Variants in FAAH2 observed in about 807,000 individuals in gnomAD.
FAAH2 encodes fatty-acid amide hydrolase 2.
In FAAH2, 60 loss-of-function variants were observed where a neutral mutation model predicts 36.9. The observed-to-expected ratio is 1.63, with a 90% confidence interval of 1.32 to 2.02. The LOEUF is 2.02. Among genes scored for constraint, FAAH2 ranks in the 30% most tolerant of loss-of-function variants. The pLI, the probability that FAAH2 is intolerant of heterozygous loss-of-function variation, is 0.00. For synonymous variants in FAAH2, 214 were observed against 143.8 expected (o/e 1.49, Z -3.49); for missense variants, 689 against 397.5 (o/e 1.73, Z -6.23).
At chrX:57,430,901 G>A (rs1310285056) in intron 7 of FAAH2, among the ~76,000 whole-genome samples, 1 of 111,871 alleles carries the variant, frequency 8.9e-6, no homozygotes, top group Non-Finnish European at 1.9e-5. Context: ...TCCCAAGGTC[G>A]GGGAGAAGAT....
intron 1 of FAAH2, among the ~76,000 whole-genome samples, chrX:57,291,738 G>A (rs760509628): frequency 2.7e-4 from 29 of 108,760 alleles, no homozygotes; most frequent in Admixed American, 7.9e-4. Context: ...AATGTTTATT[G>A]TCTCATGTCT....
At chrX:57,444,495 G>A (rs1220682473) in intron 8 of FAAH2, among the ~76,000 whole-genome samples, 1 of 111,554 alleles carries the variant, frequency 9.0e-6, no homozygotes, top group Non-Finnish European at 1.9e-5. Flanking sequence ...TGATTTTCCA[G>A]GTACCGTATG....
the FAAH2 span, among the ~76,000 whole-genome samples, chrX:57,273,307 T>C: frequency 9.0e-6 from 1 of 110,810 alleles, no homozygotes; most frequent in Non-Finnish European, 1.9e-5. Flanking sequence ...CACACAATAA[T>C]AATGGGAGAA....
chrX:57,443,687 G>T (rs933472456), intron 8 of FAAH2, among the ~76,000 whole-genome samples: 2 of 111,902 alleles, frequency 1.8e-5, no homozygotes, highest in East Asian at 2.8e-4. Flanking sequence ...GAGAAGAGGT[G>T]CTCTGATTTT....
At chrX:57,192,281 G>A in the FAAH2 span, among the ~76,000 whole-genome samples, 1 of 111,628 alleles carries the variant, frequency 9.0e-6, no homozygotes. Context: ...ATATAAATAT[G>A]CAACTGATTT....
At chrX:57,402,459 G>A (rs959138001) in intron 7 of FAAH2, among the ~76,000 whole-genome samples, 1 of 111,314 alleles carries the variant, frequency 9.0e-6, no homozygotes, top group Non-Finnish European at 1.9e-5. Context: ...TGTTCCTCCT[G>A]ATCTCTATTA....
the FAAH2 span, among the ~76,000 whole-genome samples, chrX:57,258,966 G>A: frequency 7.3e-5 from 8 of 109,254 alleles, no homozygotes; most frequent in Admixed American, 4.9e-4. Context: ...TGGTCTGCCC[G>A]CCTCAGCCTC....
chrX:57,249,072 C>G, the FAAH2 span, among the ~76,000 whole-genome samples: 4 of 110,873 alleles, frequency 3.6e-5, 1 homozygote, highest in Admixed American at 3.9e-4. Flanking sequence ...TTATATATGT[C>G]ATTTTACAAA....
At chrX:57,443,852 G>A (rs1466162561) in intron 8 of FAAH2, among the ~76,000 whole-genome samples, 1 of 112,249 alleles carries the variant, frequency 8.9e-6, no homozygotes, top group African/African-American at 3.2e-5. Flanking sequence ...CTCAGTTGCA[G>A]GTCTGTTGGA....
intron 10 of FAAH2, among the ~76,000 whole-genome samples, chrX:57,481,473 A>C (rs1314254805): frequency 1.8e-5 from 2 of 111,479 alleles, no homozygotes; most frequent in Non-Finnish European, 3.8e-5. Flanking sequence ...TCTGTTTATT[A>C]GTTTTTCTTC....
At chrX:57,413,280 G>T (rs1164186196) in intron 7 of FAAH2, among the ~76,000 whole-genome samples, 1 of 112,096 alleles carries the variant, frequency 8.9e-6, no homozygotes, top group Admixed American at 9.4e-5. Context: ...TGGTGTTTTA[G>T]TCATAAAGTC....
At chrX:57,372,014 G>T (rs1178398830) in intron 5 of FAAH2, among the ~76,000 whole-genome samples, 1 of 111,216 alleles carries the variant, frequency 9.0e-6, no homozygotes, top group African/African-American at 3.3e-5. Flanking sequence ...ATTCCATTGT[G>T]TATATGTATC....
intron 7 of FAAH2, among the ~76,000 whole-genome samples, chrX:57,381,336 T>C (rs769476220): frequency 2.8e-4 from 31 of 111,628 alleles, no homozygotes; most frequent in Admixed American, 8.6e-4. Context: ...AATGTGTAGA[T>C]GTAAATTTTA....
the FAAH2 span, among the ~76,000 whole-genome samples, chrX:57,231,523 A>G: frequency 9.0e-6 from 1 of 110,584 alleles, no homozygotes; most frequent in Admixed American, 9.6e-5. Context: ...TAGCCTTTTG[A>G]TTTGTTTTCC....
At chrX:57,303,107 C>CAT (rs2052425205) in intron 2 of FAAH2, among the ~76,000 whole-genome samples, 2 of 111,549 alleles carry the variant, frequency 1.8e-5, no homozygotes, top group Non-Finnish European at 3.8e-5. Flanking sequence ...ATACTTAAGG[C>CAT]ACTACCTTTT....
the FAAH2 span, among the ~76,000 whole-genome samples, chrX:57,261,269 G>GA: frequency 9.0e-5 from 10 of 111,131 alleles, no homozygotes; most frequent in Admixed American, 8.7e-4. Flanking sequence ...TTTGTGGAGT[G>GA]AAAAAATCTA....
chrX:57,323,687 T>G (rs2053109550), intron 3 of FAAH2, among the ~76,000 whole-genome samples: 1 of 104,053 alleles, frequency 9.6e-6, no homozygotes, highest in Admixed American at 1.0e-4. Context: ...GGGTTGTTTT[T>G]TTTTTTTTTT....
chrX:57,148,168 T>C, the FAAH2 span, among the ~76,000 whole-genome samples: 2 of 109,500 alleles, frequency 1.8e-5, no homozygotes, highest in Non-Finnish European at 3.8e-5. Flanking sequence ...ACTGTAGCCT[T>C]GTAGTATAGT....
At chrX:57,273,077 G>A in the FAAH2 span, among the ~76,000 whole-genome samples, 1 of 111,938 alleles carries the variant, frequency 8.9e-6, no homozygotes, top group Non-Finnish European at 1.9e-5. Flanking sequence ...TACTTATCAA[G>A]TGAATGGAAA....
Sources: allele counts gnomAD v4.1 joint callset (sites outside exome capture counted in the v4.1 genomes callset), GRCh38; gene constraint gnomAD v4.1.1; transcripts MANE v1.5; gene names NCBI Gene and HGNC (gene_info 2026-07-23, HGNC 2026-07-21).